The following CTNNA3 variants were observed in gnomAD, a reference collection of about 807,000 sequenced individuals.
The protein encoded by CTNNA3 is catenin alpha 3.
CTNNA3 carries 76 observed loss-of-function variants against 95.7 expected under a neutral mutation model. That is an observed-to-expected ratio of 0.79 (90% CI 0.66 to 0.96). CTNNA3 has a LOEUF of 0.96. Ranked by LOEUF, CTNNA3 falls within the 40% of genes least tolerant of loss-of-function variation. The pLI, the probability that CTNNA3 is intolerant of heterozygous loss-of-function variation, is 0.00. For synonymous variants in CTNNA3, 431 were observed against 374.4 expected (o/e 1.15, Z -1.74); for missense variants, 1,191 against 1,089.8 (o/e 1.09, Z -1.31).
intron 5 of CTNNA3, among the ~76,000 whole-genome samples, chr10:67,325,351 C>T (rs984921248): frequency 6.6e-6 from 1 of 152,086 alleles, no homozygotes; most frequent in Non-Finnish European, 1.5e-5. Flanking sequence ...ATCTTTCTAA[C>T]TTTTTGATGT....
intron 13 of CTNNA3, among the ~76,000 whole-genome samples, chr10:66,196,413 G>A (rs571234741): frequency 7.8e-4 from 119 of 152,138 alleles, no homozygotes; most frequent in Non-Finnish European, 1.5e-3. Flanking sequence ...CACAACTTCA[G>A]GAAAAGACCC....
chr10:66,213,624 C>T (rs909391845), intron 13 of CTNNA3, among the ~76,000 whole-genome samples: 14 of 152,096 alleles, frequency 9.2e-5, no homozygotes, highest in Admixed American at 8.5e-4. Flanking sequence ...GTAACATTGA[C>T]CTACCTTGGC....
At chr10:67,468,720 C>T (rs1589322795) in intron 5 of CTNNA3, among the ~76,000 whole-genome samples, 1 of 152,118 alleles carries the variant, frequency 6.6e-6, no homozygotes, top group African/African-American at 2.4e-5. Flanking sequence ...GCAGATGATA[C>T]AGAAGTCACA....
chr10:67,746,523 G>A (rs1841375668), intron 1 of CTNNA3, among the ~76,000 whole-genome samples: 1 of 152,030 alleles, frequency 6.6e-6, no homozygotes, highest in Admixed American at 6.6e-5. Flanking sequence ...GACTGACTAG[G>A]TGTTTGGTTT....
At chr10:67,572,910 A>G (rs1959893318) in intron 3 of CTNNA3, among the ~76,000 whole-genome samples, 1 of 152,114 alleles carries the variant, frequency 6.6e-6, no homozygotes, top group Admixed American at 6.6e-5. Context: ...CAACATGGCA[A>G]AACCTTGTTT....
intron 7 of CTNNA3, among the ~76,000 whole-genome samples, chr10:67,151,294 T>C (rs1861081204): frequency 6.6e-6 from 1 of 151,880 alleles, no homozygotes; most frequent in Admixed American, 6.6e-5. Flanking sequence ...CCACGAGAAG[T>C]ATGCCATCAA....
At chr10:66,389,724 G>GGAGAGAGAGAGAGAGAGAGA (rs3980751) in intron 11 of CTNNA3, among the ~76,000 whole-genome samples, 1 of 145,414 alleles carries the variant, frequency 6.9e-6, no homozygotes, top group Non-Finnish European at 1.5e-5. Flanking sequence ...ATATATATAT[G>GGAGAGAGAGAGAGAGAGAGA]GAGAGAGAGA....
chr10:66,920,007 T>G (rs1846707131), intron 7 of CTNNA3, among the ~76,000 whole-genome samples: 1 of 152,198 alleles, frequency 6.6e-6, no homozygotes, highest in African/African-American at 2.4e-5. Flanking sequence ...TAAATGGTTG[T>G]GGTATTAAAA....
chr10:67,296,245 T>G (rs1211644312), intron 5 of CTNNA3, among the ~76,000 whole-genome samples: 2 of 152,190 alleles, frequency 1.3e-5, no homozygotes, highest in African/African-American at 2.4e-5. Flanking sequence ...AACACCACAA[T>G]GCAGTACAGC....
chr10:66,023,398 CAG>C (rs66644133), intron 15 of CTNNA3, among the ~76,000 whole-genome samples: 103,856 of 151,574 alleles, frequency 0.69, 35,723 homozygotes, highest in South Asian at 0.76. Context: ...AAGTGGCAAA[CAG>C]AGAGAGGGAG....
chr10:66,318,966 T>C (rs1375309980), intron 12 of CTNNA3, among the ~76,000 whole-genome samples: 3 of 152,010 alleles, frequency 2.0e-5, no homozygotes, highest in Admixed American at 2.0e-4. Flanking sequence ...GAGCACTCGT[T>C]CACGCATTGC....
intron 3 of CTNNA3, among the ~76,000 whole-genome samples, chr10:67,547,950 C>T (rs1840896178): frequency 6.6e-6 from 1 of 152,176 alleles, no homozygotes; most frequent in Non-Finnish European, 1.5e-5. Flanking sequence ...GATAGCAATA[C>T]TCCCCATATC....
chr10:67,695,599 T>C (rs1840949264), intron 1 of CTNNA3, among the ~76,000 whole-genome samples: 1 of 152,232 alleles, frequency 6.6e-6, no homozygotes, highest in South Asian at 2.1e-4. Flanking sequence ...GAATTAGCTT[T>C]TGGTTGAAAG....
intron 7 of CTNNA3, among the ~76,000 whole-genome samples, chr10:66,958,991 C>T (rs1317490490): frequency 6.6e-6 from 1 of 152,040 alleles, no homozygotes; most frequent in Non-Finnish European, 1.5e-5. Flanking sequence ...TGAATTATCT[C>T]CTCCCCACAG....
At chr10:67,443,023 T>C (rs201672320) in intron 5 of CTNNA3, among the ~76,000 whole-genome samples, 2 of 142,798 alleles carry the variant, frequency 1.4e-5, no homozygotes, top group East Asian at 2.2e-4. Context: ...TCAATTCCCA[T>C]CTATGAGTGA....
intron 11 of CTNNA3, among the ~76,000 whole-genome samples, chr10:66,520,024 G>T (rs989768057): frequency 2.0e-5 from 3 of 151,782 alleles, no homozygotes; most frequent in Non-Finnish European, 2.9e-5. Context: ...AAGATTCTAG[G>T]TATTATTTTC....
chr10:67,619,015 A>G (rs1160674601), intron 2 of CTNNA3, among the ~76,000 whole-genome samples: 2 of 152,214 alleles, frequency 1.3e-5, no homozygotes, highest in Non-Finnish European at 1.5e-5. Flanking sequence ...CTTCTCTTAA[A>G]AGTGTAAATA....
chr10:66,696,350 A>G (rs1291951923), intron 9 of CTNNA3, among the ~76,000 whole-genome samples: 1 of 152,220 alleles, frequency 6.6e-6, no homozygotes. Flanking sequence ...ATGAGGAGAT[A>G]CAAAACTGAA....
chr10:65,930,099 C>T (rs547666095), intron 17 of CTNNA3, among the ~76,000 whole-genome samples: 41 of 147,796 alleles, frequency 2.8e-4, no homozygotes, highest in Admixed American at 1.4e-3. Context: ...TACTTACACA[C>T]ACATAAGTAT....
Sources: allele counts gnomAD v4.1 joint callset (sites outside exome capture counted in the v4.1 genomes callset), GRCh38; gene constraint gnomAD v4.1.1; transcripts MANE v1.5; gene names NCBI Gene and HGNC (gene_info 2026-07-23, HGNC 2026-07-21).